FRY: variants seen among roughly 807,000 people sequenced by gnomAD.
The protein encoded by FRY is FRY microtubule binding protein.
In FRY, 128 loss-of-function variants were observed where a neutral mutation model predicts 348.4. The ratio of observed to expected loss-of-function variants is 0.37; its 90% CI spans 0.32 to 0.43. The LOEUF is 0.43. FRY is among the 20% of genes least tolerant of loss of function. The pLI is 1.00. For missense variants in FRY, 2,736 were observed against 3,695.2 expected (o/e 0.74, Z 6.73); for synonymous variants, 1,370 against 1,374.7 (o/e 1.00, Z 0.08).
chr13:32,127,601 C>G (rs150785556), intron 7 of FRY, among the ~76,000 whole-genome samples: 2,020 of 152,172 alleles, frequency 0.013, 19 homozygotes, highest in Middle Eastern at 0.024. Context: ...CACGTTGAAA[C>G]CCCGTCTCTA....
intron 7 of FRY, among the ~76,000 whole-genome samples, chr13:32,126,648 G>T (rs1355558188): frequency 6.6e-6 from 1 of 152,198 alleles, no homozygotes; most frequent in East Asian, 1.9e-4. Context: ...CCCTTGATGT[G>T]TTCTCAACTA....
chr13:32,051,537 G>C (rs944102192), intron 1 of FRY, among the ~76,000 whole-genome samples: 2 of 152,180 alleles, frequency 1.3e-5, no homozygotes, highest in African/African-American at 4.8e-5. Flanking sequence ...TGTGAGACGA[G>C]TATACTCTAT....
At chr13:32,207,894 CCAAGCTTT>C (rs1363012328) in intron 31 of FRY, among the ~76,000 whole-genome samples, 1 of 152,090 alleles carries the variant, frequency 6.6e-6, no homozygotes, top group Admixed American at 6.6e-5. Context: ...CTGTATGAGA[CCAAGCTTT>C]CTAATTTCCC....
chr13:32,100,797 G>T (rs1454397685), intron 2 of FRY, among the ~76,000 whole-genome samples: 1 of 152,116 alleles, frequency 6.6e-6, no homozygotes, highest in Non-Finnish European at 1.5e-5. Flanking sequence ...TTGGTTGCTG[G>T]TGAGTTCCCC....
chr13:32,292,169 G>T (rs1400246055), intron 59 of FRY: 1 of 296,414 alleles, frequency 3.4e-6, no homozygotes, highest in African/African-American at 2.2e-5. Flanking sequence ...TTTTAGTGGA[G>T]ACGATGTTTC....
Position 32,175,569 on chromosome 13 carries a change from T to C in FRY, c.2358T>C (p.Asp786=), listed in dbSNP as rs370313315. Residue 786 remains aspartate (D), a synonymous_variant, in exon 20 of 61, where the codon GAT becomes GAC. Coordinates refer to ENST00000542859, the MANE Select transcript of FRY (RefSeq NM_023037.3). ...QPEDDDRPMI[D]VMDQLSSSIL... ...AGGATGACGACAGGCCGATGATTGA[T>C]GTCATGGATCAGCTAAGTTCTTCCA... The C allele has an allele frequency of 1.8e-5, 29 of 1,611,624 alleles. No individual in the cohort carries two copies. The highest frequency in any genetic ancestry group is 3.3e-4 in the Middle Eastern group (2 of 6,082).
chr13:32,032,368 C>T (rs1872284114), intron 1 of FRY, among the ~76,000 whole-genome samples: 1 of 151,890 alleles, frequency 6.6e-6, no homozygotes, highest in Admixed American at 6.6e-5. Context: ...TAGTCCAAAA[C>T]CTAGGACATC....
intron 51 of FRY, among the ~76,000 whole-genome samples, chr13:32,260,669 G>T (rs951513025): frequency 6.8e-6 from 1 of 148,134 alleles, no homozygotes; most frequent in Non-Finnish European, 1.5e-5. Context: ...GAGGTCAAGA[G>T]TTCAAGACCA....
At chr13:32,204,503 T>A (rs940572699) in intron 31 of FRY, among the ~76,000 whole-genome samples, 7 of 152,248 alleles carry the variant, frequency 4.6e-5, no homozygotes, top group Non-Finnish European at 5.9e-5. Context: ...TTCTACCTTT[T>A]CATTCAAGAA....
intron 56 of FRY, among the ~76,000 whole-genome samples, chr13:32,275,935 T>C (rs1888515206): frequency 6.6e-6 from 1 of 151,998 alleles, no homozygotes; most frequent in Non-Finnish European, 1.5e-5. Flanking sequence ...CAGTAATTAC[T>C]GAGGTTTAGA....
At chr13:32,147,406 A>G (rs906731124) in intron 12 of FRY, 21 bp downstream of exon 12, 1 of 1,337,710 alleles carries the variant, frequency 7.5e-7, no homozygotes, top group Non-Finnish European at 1.1e-6. Context: ...GCTTGTGTCA[A>G]TGGTAACCAT....
At chr13:32,289,141 C>T (rs1241448630) in intron 58 of FRY, among the ~76,000 whole-genome samples, 1 of 152,124 alleles carries the variant, frequency 6.6e-6, no homozygotes, top group Non-Finnish European at 1.5e-5. Flanking sequence ...CAAGTATTTA[C>T]TGAGCACAGA....
Position 32,196,646 on chromosome 13 carries a change from A to G in FRY, c.3746+2349A>G, listed in dbSNP as rs528916091. Reference sequence around the variant, plus strand: ...CTAGTCAAAACTCTACAGCTATGCCATGCTATGACTCTGGTGATATTAGGA... The same window carrying G: ...CTAGTCAAAACTCTACAGCTATGCCGTGCTATGACTCTGGTGATATTAGGA... On this transcript the variant is annotated intron_variant, in intron 29 of 60. Transcript: ENST00000542859. Among the ~76,000 whole-genome samples, 74 of 152,180 alleles carry G rather than the reference A, an allele frequency of 4.9e-4. 1 individual carries two copies. In the South Asian group the frequency reaches 7.0e-3, roughly 14 times the overall value.
chr13:32,295,459 G>A lies in FRY; in HGVS notation c.9041G>A (p.Ter3014=), dbSNP rs1405368797. 4.3e-6 allele frequency: 7 copies of A among 1,610,040 alleles called. No individual in the cohort carries two copies. The highest frequency in any genetic ancestry group is 5.9e-6 in the Non-Finnish European group (7 of 1,179,964). Residue 3014 remains the stop codon, a stop_retained_variant, in exon 61 of 61, where the codon TGA becomes TAA. Coordinates refer to ENST00000542859, the MANE Select transcript of FRY (RefSeq NM_023037.3). ...PDSSVSGTSL[*] is the part of the protein sequence containing the mutation. ...TCCAGTGTTTCTGGCACTAGTCTCT[G>A]ACAGGAGCCTCCTGTCCCCACTGGG...
At chr13:32,189,931 G>T (rs1883236965) in intron 28 of FRY, among the ~76,000 whole-genome samples, 1 of 151,932 alleles carries the variant, frequency 6.6e-6, no homozygotes, top group Admixed American at 6.6e-5. Flanking sequence ...TGAATTTAAT[G>T]ATATAGAAAA....
chr13:32,046,067 T>C (rs1873001251), intron 1 of FRY, among the ~76,000 whole-genome samples: 1 of 152,212 alleles, frequency 6.6e-6, no homozygotes, highest in Non-Finnish European at 1.5e-5. Context: ...ACTGGCCCAA[T>C]GAGCTCTTTA....
At chr13:32,189,735 A>G (rs1162466250) in intron 28 of FRY, among the ~76,000 whole-genome samples, 2 of 152,086 alleles carry the variant, frequency 1.3e-5, no homozygotes, top group African/African-American at 4.8e-5. Flanking sequence ...GCATGGATTC[A>G]ATGCAAATTC....
chr13:32,143,645 G>A (rs1880219623), intron 11 of FRY, among the ~76,000 whole-genome samples: 1 of 151,958 alleles, frequency 6.6e-6, no homozygotes, highest in South Asian at 2.1e-4. Context: ...GAATATGAAA[G>A]AATTTCAAAT....
chr13:32,254,133 A>G, intron 50 of FRY, 91 bp from the exon 51 acceptor site: 2 of 1,138,196 alleles, frequency 1.8e-6, no homozygotes, highest in Non-Finnish European at 2.7e-6. Context: ...TGTACTGGAA[A>G]TACGGTGCTA....
Sources: allele counts gnomAD v4.1 joint callset (sites outside exome capture counted in the v4.1 genomes callset), GRCh38; gene constraint gnomAD v4.1.1; transcripts MANE v1.5; gene names NCBI Gene and HGNC (gene_info 2026-07-23, HGNC 2026-07-21).